Variants in EVPLL observed in about 807,000 individuals in gnomAD.
EVPLL encodes envoplakin-like protein.
Under a neutral mutation model 46.2 loss-of-function variants are expected in EVPLL, and 39 were observed. The observed-to-expected ratio is 0.84, with a 90% CI of 0.65 to 1.10. EVPLL has a LOEUF of 1.10. Among genes scored for constraint, EVPLL ranks in the 50% least tolerant of loss-of-function variants. The pLI, the probability that EVPLL is intolerant of heterozygous loss-of-function variation, is 0.00. For synonymous variants in EVPLL, 156 were observed against 165.8 expected, an observed-to-expected ratio of 0.94 and a Z score of 0.46; for missense variants, 385 against 412.6, an observed-to-expected ratio of 0.93 and a Z score of 0.58.
chr17:18,384,015 C>T (rs751275426), intron 9 of EVPLL, among the ~76,000 whole-genome samples: 4 of 152,054 alleles, frequency 2.6e-5, no homozygotes, highest in Non-Finnish European at 5.9e-5. Context: ...CACTCGGTCC[C>T]AGAGGGAAGG....
In EVPLL at chr17:18,377,859, C is replaced by G; in HGVS notation, c.-161C>G. On this transcript the variant is annotated 5_prime_UTR_variant, in exon 1 of 11. Transcript: ENST00000399134. ...GCCCTCCTTCACCAGCCAAGCCCAG[C>G]CTGAGCCAGCACCTGCCTTTATGAC... The G allele has an allele frequency of 1.1e-6, 1 of 892,898 alleles. No individual in the cohort carries two copies. Among genetic ancestry groups the G allele is most frequent in the Non-Finnish European group, 1.7e-6 (1 of 583,612 alleles). The allele number at this position is 892,898 out of a possible 1,614,324, so 55.3% of individuals were successfully genotyped here. A position where few individuals can be genotyped will look rare whatever the true frequency, so the allele number is the denominator to read the frequency against.
chr17:18,387,527 A>G (rs1987807073), intron 9 of EVPLL, among the ~76,000 whole-genome samples: 1 of 94,994 alleles, frequency 1.1e-5, no homozygotes, highest in Non-Finnish European at 2.4e-5. Context: ...GCACCTACTC[A>G]GCAGTTACTC....
At chr17:18,387,305 A>G (rs1258136975) in intron 9 of EVPLL, among the ~76,000 whole-genome samples, 1 of 151,792 alleles carries the variant, frequency 6.6e-6, no homozygotes, top group Non-Finnish European at 1.5e-5. Flanking sequence ...TTATCCATAT[A>G]TTGGTCATAC....
chr17:18,384,808 C>A (rs2151630883), intron 9 of EVPLL, among the ~76,000 whole-genome samples: 1 of 152,272 alleles, frequency 6.6e-6, no homozygotes, highest in East Asian at 1.9e-4. Context: ...CTCCCTTGGA[C>A]CACCCGGTTC....
chr17:18,379,300 C>G (rs1275768859), intron 1 of EVPLL, among the ~76,000 whole-genome samples: 2 of 152,234 alleles, frequency 1.3e-5, no homozygotes, highest in Non-Finnish European at 2.9e-5. Flanking sequence ...GGATGAAAAG[C>G]TGGTGTGGGA....
At position 18,377,817 on chromosome 17, in the gene EVPLL, C is replaced by A; in HGVS notation, c.-203C>A. The A allele has an allele frequency of 1.6e-6, 1 of 637,572 alleles. No individual in the cohort carries two copies. 39.5% of individuals were successfully genotyped at this position (637,572 alleles called of 1,614,324 possible). On this transcript the variant is annotated 5_prime_UTR_variant, in exon 1 of 11. Coordinates refer to ENST00000399134, the MANE Select transcript of EVPLL (RefSeq NM_001145127.2). The stretch of plus-strand genomic sequence containing the variant: ...ACCAGCCAGCAAGGACGCCCGCTGC[C>A]TCCCACCTGCCCTCCTGCCCTCCTT...
chr17:18,378,175 A>G (rs1414020101), intron 1 of EVPLL, among the ~76,000 whole-genome samples, 192 bp downstream of exon 1: 1 of 152,202 alleles, frequency 6.6e-6, no homozygotes, highest in East Asian at 1.9e-4. Context: ...GCCGAACTTC[A>G]GCCCTGGCAG....
At chr17:18,383,979 A>G (rs561503756) in intron 9 of EVPLL, among the ~76,000 whole-genome samples, 4 of 152,210 alleles carry the variant, frequency 2.6e-5, no homozygotes, top group East Asian at 3.9e-4. Flanking sequence ...CCTAAAAAAT[A>G]AAATAAAATA....
chr17:18,384,009 C>T (rs1189996536), intron 9 of EVPLL, among the ~76,000 whole-genome samples: 5 of 152,000 alleles, frequency 3.3e-5, no homozygotes, highest in African/African-American at 9.7e-5. Context: ...GGTTGCCACT[C>T]GGTCCCAGAG....
chr17:18,381,412 G>C lies in EVPLL; in HGVS notation c.109G>C (p.Glu37Gln). The change falls in exon 3 of 11, where the codon GAG (glutamate) becomes CAG (glutamine). Residue 37 changes from glutamate to glutamine, a missense_variant. Physicochemically the swap from Glu to Gln is conservative, Grantham distance 29. Coordinates refer to ENST00000399134, the MANE Select transcript of EVPLL (RefSeq NM_001145127.2). This position sits in a 1 kb window ranked among gnomAD's most constrained non-coding sequence, Gnocchi z 4.2. ...EQSQALQHQQ[E>Q]TGSSLKEAEV... Reference sequence around the variant, plus strand: ...GAGCCAGGCCCTGCAGCACCAGCAGGAGACGGGCAGCAGCCTGAAGGAGGC... The same window carrying C: ...GAGCCAGGCCCTGCAGCACCAGCAGCAGACGGGCAGCAGCCTGAAGGAGGC... 1 of 1,603,976 alleles carries C rather than the reference G, an allele frequency of 6.2e-7. No individual in the cohort carries two copies. Among genetic ancestry groups the C allele is most frequent in the Non-Finnish European group, 8.5e-7 (1 of 1,175,890 alleles).
At chr17:18,388,063 T>A in intron 9 of EVPLL, 156 bp from the exon 10 acceptor site, 1 of 235,904 alleles carries the variant, frequency 4.2e-6, no homozygotes, top group Non-Finnish European at 8.5e-6. Context: ...TATATATATA[T>A]AAAATTTATT....
chr17:18,381,799 T>C lies in EVPLL; in HGVS notation c.346+69T>C. On this transcript the variant is annotated intron_variant, in intron 4 of 10. Coordinates refer to ENST00000399134, the MANE Select transcript of EVPLL (RefSeq NM_001145127.2). The surrounding 1 kb of genome is among the most constrained non-coding windows in gnomAD (Gnocchi z 4.2). ...ACGGAACTGCATTTAACCCAGGGCC[T>C]GACTGTAGGCTTGAACAGTCAGTGT... The C allele has an allele frequency of 6.2e-7, 1 of 1,608,720 alleles. No individual in the cohort carries two copies. Among genetic ancestry groups the C allele is most frequent in the South Asian group, 1.1e-5 (1 of 90,808 alleles).
At chr17:18,384,959 G>C (rs1829641959) in intron 9 of EVPLL, among the ~76,000 whole-genome samples, 1 of 125,068 alleles carries the variant, frequency 8.0e-6, no homozygotes, top group African/African-American at 3.2e-5. Flanking sequence ...CTGAGAGGGA[G>C]AGGAGGATGG....
At position 18,388,304 on chromosome 17, in the gene EVPLL, C is replaced by T. The variant is rs586757; in HGVS notation, c.*40+16C>T. The T allele has an allele frequency of 0.54, 634,344 of 1,180,726 alleles. 168,025 individuals are homozygous for T. The highest frequency in any genetic ancestry group is 0.64 in the African/African-American group (40,458 of 62,842). 73.1% of individuals were successfully genotyped at this position (1,180,726 alleles called of 1,614,324 possible). ...AGGGTAGCAGGTGAGAAATGAAGTA[C>T]CAAGAAACTAGCAAAGGGTCTTCTG... On this transcript the variant is annotated intron_variant, in intron 10 of 10. Coordinates refer to ENST00000399134, the MANE Select transcript of EVPLL (RefSeq NM_001145127.2).
intron 1 of EVPLL, chr17:18,380,636 A>C: frequency 3.0e-6 from 1 of 332,798 alleles, no homozygotes; most frequent in Non-Finnish European, 5.6e-6. Flanking sequence ...CAGCTGGCTG[A>C]GGCTGGGACA....
chr17:18,378,081 C>A, intron 1 of EVPLL, 98 bp downstream of exon 1: 1 of 412,934 alleles, frequency 2.4e-6, no homozygotes. Context: ...GAGCCCAGGA[C>A]CAGCCCCGTG....
At position 18,388,446 on chromosome 17, in the gene EVPLL, G is replaced by C. The variant is rs1987848122; in HGVS notation, c.*40+158G>C. On this transcript the variant is annotated intron_variant, in intron 10 of 10. Coordinates refer to ENST00000399134, the MANE Select transcript of EVPLL (RefSeq NM_001145127.2). ...CTGGCCTCCATGGGAAGGACCCTGG[G>C]AGACCCAGCAGAGTGGGGTACCTGG... The C allele has an allele frequency of 1.2e-5, 7 of 564,114 alleles. No homozygotes were observed. The Admixed American group carries it at 2.0e-4, about 16-fold the overall frequency. 34.9% of individuals were successfully genotyped at this position (564,114 alleles called of 1,614,324 possible). A position where few individuals can be genotyped will look rare whatever the true frequency, so the allele number is the denominator to read the frequency against.
intron 9 of EVPLL, among the ~76,000 whole-genome samples, chr17:18,384,390 C>T (rs976550461): frequency 6.6e-6 from 1 of 151,296 alleles, no homozygotes. Flanking sequence ...GAGCCATGAT[C>T]ACACCACTGC....
Position 18,383,202 on chromosome 17 carries a change from T to C in EVPLL, c.672+17T>C, listed in dbSNP as rs1296904871. ...GAATACGAGGTCGGCTGGCAGAGGT[T>C]GGGGCCAGGCGGGGGCGACCAGGGC... is the stretch of plus-strand genomic sequence containing the variant. On this transcript the variant is annotated intron_variant, in intron 7 of 10. Transcript: ENST00000399134. The C allele has an allele frequency of 6.5e-7, 1 of 1,546,994 alleles. No individual in the cohort carries two copies. The highest frequency in any genetic ancestry group is 8.7e-7 in the Non-Finnish European group (1 of 1,150,932).
Sources: allele counts gnomAD v4.1 joint callset (sites outside exome capture counted in the v4.1 genomes callset), GRCh38; gene constraint gnomAD v4.1.1; non-coding constraint Gnocchi (gnomAD v3.1); transcripts MANE v1.5; gene names NCBI Gene and HGNC (gene_info 2026-07-23, HGNC 2026-07-21).